Variants in CMTR1 observed in about 807,000 individuals in gnomAD.
The protein encoded by CMTR1 is cap methyltransferase 1.
Under a neutral mutation model 107.0 loss-of-function variants are expected in CMTR1, and 39 were observed. That is an observed-to-expected ratio of 0.36 (90% confidence interval 0.28 to 0.48). CMTR1 has a LOEUF of 0.48. CMTR1 is among the 20% of genes least tolerant of loss of function. CMTR1 has a pLI of 0.99. For missense variants in CMTR1, 672 were observed against 1,064.9 expected, an observed-to-expected ratio of 0.63 and a Z score of 5.14; for synonymous variants, 366 against 379.5, an observed-to-expected ratio of 0.96 and a Z score of 0.41.
At position 37,472,478 on chromosome 6, in the gene CMTR1, G is replaced by A; in HGVS notation, c.1680G>A (p.Glu560=). The change falls in exon 16 of 24, where the codon GAG becomes GAA. Residue 560 remains glutamate (E), a synonymous_variant. Coordinates refer to ENST00000373451, the MANE Select transcript of CMTR1 (RefSeq NM_015050.3). This position sits in a 1 kb window ranked among gnomAD's most constrained non-coding sequence, Gnocchi z 4.1. ...CCGACCCTAAATCGAAGTTCTTTGA[G>A]CTAATCCAGGTAAGACTGGTATCTG... ...SSSDPKSKFF[E]LIQGTEIDIF... The A allele has an allele frequency of 1.2e-6, 2 of 1,614,122 alleles. No individual in the cohort carries two copies. The highest frequency in any genetic ancestry group is 1.7e-6 in the Non-Finnish European group (2 of 1,179,974).
Position 37,478,534 on chromosome 6 carries a change from G to A in CMTR1, c.2266+13G>A, listed in dbSNP as rs1268354598. On this transcript the variant is annotated intron_variant, in intron 22 of 23. Coordinates refer to ENST00000373451, the MANE Select transcript of CMTR1 (RefSeq NM_015050.3). ...AGGACAGTGAATGGTGGGTGAGGAG[G>A]GACTGTTCCCGCCATCCCCTCCCCT... 6.9e-6 allele frequency: 11 copies of A among 1,599,326 alleles called. No individual in the cohort carries two copies. In the African/African-American group the frequency reaches 1.2e-4, roughly 18 times the overall value.
In CMTR1 at chr6:37,461,553, T is replaced by C. The variant is rs775284843; in HGVS notation, c.1100T>C (p.Phe367Ser). 6.3e-7 allele frequency: 1 copy of C among 1,599,920 alleles called. No homozygotes were observed. The highest frequency in any genetic ancestry group is 1.1e-5 in the South Asian group (1 of 90,426). The change falls in exon 11 of 24, where the codon TTC becomes TCC. Residue 367 changes from phenylalanine to serine, a missense_variant. Transcript: ENST00000373451. ...GVHFLMADGG[F>S]SVEGQENLQE... ...TTCCTTGTGCTCTCATTTCAGGGTT[T>C]CTCGGTGGAGGGGCAGGAGAACCTG...
In CMTR1 at chr6:37,472,614, G is replaced by T; in HGVS notation, c.1689+127G>T. 1 of 941,130 alleles carries T rather than the reference G, an allele frequency of 1.1e-6. No individual in the cohort carries two copies. 58.3% of individuals were successfully genotyped at this position (941,130 alleles called of 1,614,324 possible). A position where few individuals can be genotyped will look rare whatever the true frequency, so the allele number is the denominator to read the frequency against. On this transcript the variant is annotated intron_variant, in intron 16 of 23. Coordinates refer to ENST00000373451, the MANE Select transcript of CMTR1 (RefSeq NM_015050.3). The surrounding 1 kb of genome is among the most constrained non-coding windows in gnomAD (Gnocchi z 4.1). ...GCAGATGCCCACCATGGGCTCTAAG[G>T]GGCGGAGCTAAGGCTGCCACAGGTG...
intron 17 of CMTR1, among the ~76,000 whole-genome samples, chr6:37,474,032 G>T (rs930147454): frequency 2.0e-5 from 3 of 152,126 alleles, no homozygotes; most frequent in African/African-American, 7.2e-5. Context: ...GGAAAGCCTT[G>T]GCAAGCTCTT....
At position 37,472,204 on chromosome 6, in the gene CMTR1, G is replaced by C. The variant is rs1227896535; in HGVS notation, c.1621-215G>C. ...GCAGCACTGACAACAGAGAGCCCCA[G>C]AGAAAAGGAAGTAGCCTTTGGGGTC... On this transcript the variant is annotated intron_variant, in intron 15 of 23. Transcript: ENST00000373451. This position sits in a 1 kb window ranked among gnomAD's most constrained non-coding sequence, Gnocchi z 4.1. 6.6e-6 allele frequency among the ~76,000 whole-genome samples: 1 copy of C among 152,132 alleles called. No homozygotes were observed. The highest frequency in any genetic ancestry group is 1.9e-4 in the East Asian group (1 of 5,190).
At chr6:37,457,949 A>G (rs1485071903) in intron 8 of CMTR1, among the ~76,000 whole-genome samples, 1 of 152,060 alleles carries the variant, frequency 6.6e-6, no homozygotes, top group Non-Finnish European at 1.5e-5. Context: ...CTTTTTCCCT[A>G]TCTGTATATG....
intron 13 of CMTR1, among the ~76,000 whole-genome samples, chr6:37,463,610 A>G (rs1761444885): frequency 6.6e-6 from 1 of 152,148 alleles, no homozygotes; most frequent in Non-Finnish European, 1.5e-5. Flanking sequence ...GGAGGGTTGT[A>G]TAGTAGTAGT....
Position 37,480,024 on chromosome 6 carries a change from A to C in CMTR1, c.2387A>C (p.Tyr796Ser), listed in dbSNP as rs1455719293. ...CCTCTCCTCCCCAGCATTTGCTACT[A>C]TGGCCGGCTCTTCTGGGAGTGGGGG... ...DSIAPFHICY[Y>S]GRLFWEWGDG... The change falls in exon 24 of 24, where the codon TAT becomes TCT. Residue 796 changes from tyrosine to serine, a missense_variant. By Grantham distance (144) the Tyr-to-Ser change is moderately radical (BLOSUM62 -2). This residue lies in a region of CMTR1 where 583 missense variants were observed against 968.4 expected (regional missense o/e 0.60). Coordinates refer to ENST00000373451, the MANE Select transcript of CMTR1 (RefSeq NM_015050.3). 1.9e-6 allele frequency: 3 copies of C among 1,576,630 alleles called. No individual in the cohort carries two copies. In the East Asian group the frequency reaches 7.1e-5, roughly 37 times the overall value.
Position 37,445,701 on chromosome 6 carries a change from G to A in CMTR1, c.286-590G>A, listed in dbSNP as rs538034679. Among the ~76,000 whole-genome samples the A allele has an allele frequency of 3.3e-5, 5 of 152,002 alleles. No homozygotes were observed. In the South Asian group the frequency reaches 1.0e-3, roughly 32 times the overall value. On this transcript the variant is annotated intron_variant, in intron 3 of 23. Transcript: ENST00000373451. ...AGACAGGGTTTGTTTCACCGTGTTA[G>A]CCAGGATGGTCTCTATCTCCTGACC...
intron 23 of CMTR1, 119 bp from the exon 24 acceptor site, chr6:37,479,893 CG>C: frequency 2.9e-6 from 3 of 1,021,694 alleles, no homozygotes; most frequent in Non-Finnish European, 4.1e-6. Flanking sequence ...TTTTGCCTGC[CG>C]GGGGAAGAAC....
chr6:37,439,773 C>T (rs547636563), intron 2 of CMTR1, among the ~76,000 whole-genome samples: 44 of 152,314 alleles, frequency 2.9e-4, no homozygotes, highest in African/African-American at 1.1e-3. Flanking sequence ...GGAGCTGCCC[C>T]TCTTTGTTGT....
intron 8 of CMTR1, among the ~76,000 whole-genome samples, chr6:37,454,783 T>TA (rs1482459834): frequency 6.6e-6 from 1 of 152,140 alleles, no homozygotes; most frequent in Non-Finnish European, 1.5e-5. Context: ...TGCTTCACTA[T>TA]AAAAAAAGTG....
intron 13 of CMTR1, among the ~76,000 whole-genome samples, chr6:37,463,805 C>T (rs967946742): frequency 6.6e-6 from 1 of 152,144 alleles, no homozygotes; most frequent in Non-Finnish European, 1.5e-5. Flanking sequence ...TTTTAACTTT[C>T]CACAGTACTG....
In CMTR1 at chr6:37,472,594, T is replaced by A; in HGVS notation, c.1689+107T>A. The A allele has an allele frequency of 8.9e-7, 1 of 1,123,534 alleles. No individual in the cohort carries two copies. Among genetic ancestry groups the A allele is most frequent in the Non-Finnish European group, 1.3e-6 (1 of 741,450 alleles). The allele number at this position is 1,123,534 out of a possible 1,614,324, so 69.6% of individuals were successfully genotyped here. A position where few individuals can be genotyped will look rare whatever the true frequency, so the allele number is the denominator to read the frequency against. On this transcript the variant is annotated intron_variant, in intron 16 of 23. Coordinates refer to ENST00000373451, the MANE Select transcript of CMTR1 (RefSeq NM_015050.3). This position sits in a 1 kb window ranked among gnomAD's most constrained non-coding sequence, Gnocchi z 4.1. ...ATGGTCTCCAGAGGGCTTGTGCAGA[T>A]GCCCACCATGGGCTCTAAGGGGCGG... is the stretch of plus-strand genomic sequence containing the variant.
chr6:37,476,306 G>A, intron 20 of CMTR1, 112 bp downstream of exon 20: 1 of 1,087,800 alleles, frequency 9.2e-7, no homozygotes, highest in Non-Finnish European at 1.4e-6. Context: ...GGGTGTTAGA[G>A]ACAAGACCAT....
chr6:37,479,085 C>A lies in CMTR1; in HGVS notation c.2267-62C>A, dbSNP rs554700000. The A allele has an allele frequency of 5.8e-4, 684 of 1,175,694 alleles. 4 individuals are homozygous for A. The highest frequency in any genetic ancestry group is 7.5e-5 in the Non-Finnish European group (59 of 784,812). The allele number at this position is 1,175,694 out of a possible 1,614,324, so 72.8% of individuals were successfully genotyped here. On this transcript the variant is annotated intron_variant, in intron 22 of 23. Transcript: ENST00000373451. ...ACCACCGGGAGTGGAGGAAGGTACA[C>A]GCCTGTCCTCCACAAGTGCTTTGTG...
chr6:37,426,434 T>G, the CMTR1 span, among the ~76,000 whole-genome samples: 1 of 152,144 alleles, frequency 6.6e-6, no homozygotes, highest in Admixed American at 6.5e-5. Flanking sequence ...GGACTTGCTG[T>G]TTTTTGTATT....
Position 37,444,103 on chromosome 6 carries a change from ACTT to A in CMTR1, c.244_246del (p.Ser82del), listed in dbSNP as rs773815690. 59 of 1,614,034 alleles carry A rather than the reference ACTT, an allele frequency of 3.7e-5. No homozygotes were observed. The highest frequency in any genetic ancestry group is 4.2e-5 in the Non-Finnish European group (49 of 1,180,036). ...CAAAGCAGACTCTCTTGTGGAAGGA[ACTT>A]CTTCTCGCTATTCCATGTATAATAG... On this transcript the variant is annotated inframe_deletion, in exon 3 of 24. Coordinates refer to ENST00000373451, the MANE Select transcript of CMTR1 (RefSeq NM_015050.3).
intron 20 of CMTR1, 41 bp from the exon 21 acceptor site, chr6:37,477,551 C>G (rs781663246): frequency 6.3e-7 from 1 of 1,578,042 alleles, no homozygotes; most frequent in African/African-American, 1.3e-5. Context: ...GAGAATGTCC[C>G]CCAGGAAGCC....
Sources: gnomAD v4.1 joint callset for allele counts (sites outside exome capture counted in the v4.1 genomes callset) on GRCh38, gnomAD v4.1.1 for gene constraint, gnomAD v4.1.1 regional missense constraint, Gnocchi (gnomAD v3.1) non-coding constraint, MANE v1.5 for transcripts, NCBI Gene and HGNC (gene_info 2026-07-23, HGNC 2026-07-21) for gene names.